CDH12: variants seen among roughly 807,000 people sequenced by gnomAD.
CDH12 encodes cadherin 12, also known as cadherin-12.
A neutral mutation model predicts 74.1 loss-of-function variants in CDH12; 41 were observed. That is an observed-to-expected ratio of 0.55 (90% confidence interval 0.43 to 0.72). The LOEUF is 0.72. CDH12 is among the 30% of genes least tolerant of loss of function. The pLI is 0.00. For synonymous variants in CDH12, 399 were observed against 355.0 expected, an observed-to-expected ratio of 1.12 and a Z score of -1.39; for missense variants, 945 against 977.2, an observed-to-expected ratio of 0.97 and a Z score of 0.44.
intron 1 of CDH12, among the ~76,000 whole-genome samples, chr5:22,519,844 G>A (rs1736971451): frequency 6.6e-6 from 1 of 152,128 alleles, no homozygotes; most frequent in Admixed American, 6.5e-5. Flanking sequence ...TGTAGTTCAT[G>A]GAGTTGTGGT....
At chr5:21,957,993 C>A (rs1351293110) in intron 6 of CDH12, among the ~76,000 whole-genome samples, 1 of 151,978 alleles carries the variant, frequency 6.6e-6, no homozygotes, top group Non-Finnish European at 1.5e-5. Context: ...CCATAATCAC[C>A]ACATGGAGAG....
At chr5:22,190,396 C>G (rs1750207706) in intron 4 of CDH12, among the ~76,000 whole-genome samples, 2 of 148,790 alleles carry the variant, frequency 1.3e-5, no homozygotes, top group African/African-American at 5.1e-5. Flanking sequence ...ATCTATCTAT[C>G]TATCTATCCT....
intron 6 of CDH12, among the ~76,000 whole-genome samples, chr5:21,927,805 C>T (rs1035968162): frequency 6.6e-6 from 1 of 151,694 alleles, no homozygotes; most frequent in Non-Finnish European, 1.5e-5. Flanking sequence ...TGCGGTGGCT[C>T]ACGTCTGTAA....
chr5:22,638,625 G>A, intron 1 of CDH12: 1 of 152,444 alleles, frequency 6.6e-6, no homozygotes, highest in Non-Finnish European at 1.5e-5. Flanking sequence ...ACAATACTTT[G>A]CATCCTCCAA....
chr5:22,522,743 T>G (rs1021632268), intron 1 of CDH12, among the ~76,000 whole-genome samples: 12 of 152,198 alleles, frequency 7.9e-5, no homozygotes, highest in African/African-American at 2.9e-4. Flanking sequence ...TAACACAACC[T>G]TCCTGAATCT....
In CDH12 at chr5:21,880,616, CTTCTTTCTTTCTTTCTTTCTTTCT is replaced by C. The variant is rs201513323; in HGVS notation, c.527-25850_527-25827del. Among the ~76,000 whole-genome samples the C allele has an allele frequency of 2.2e-3, 110 of 50,858 alleles. 1 individual carries two copies. The highest frequency in any genetic ancestry group is 8.3e-3 in the South Asian group (9 of 1,080). 33.4% of individuals were successfully genotyped at this position (50,858 alleles called of 152,430 possible). A position where few individuals can be genotyped will look rare whatever the true frequency, so the allele number is the denominator to read the frequency against. ...CCTTCCTTCCTTCCTTCCTTCCTTC[CTTCTTTCTTTCTTTCTTTCTTTCT>C]TTCTTTCTTTCTTTCTTTCTTTCTT... On this transcript the variant is annotated intron_variant, in intron 6 of 14. Transcript: ENST00000382254.
rs77055994 is a variant in CDH12 at position 22,039,717 on chromosome 5, T to C, written c.231+38729A>G. 8.1e-3 allele frequency among the ~76,000 whole-genome samples: 1,229 copies of C among 152,270 alleles called. 18 individuals are homozygous for C. The highest frequency in any genetic ancestry group is 0.028 in the African/African-American group (1,181 of 41,556). ...CTGAGGTACACAAAGTCATTGCTGA[T>C]GTTGGTCACAACTAAAGAAGCTGCA... On this transcript the variant is annotated intron_variant, in intron 5 of 14. Coordinates refer to ENST00000382254, the MANE Select transcript of CDH12 (RefSeq NM_004061.5).
At position 21,760,658 on chromosome 5, in the gene CDH12, A is replaced by G; in HGVS notation, c.1533T>C (p.Ser511=). The G allele has an allele frequency of 6.2e-7, 1 of 1,600,356 alleles. No individual in the cohort carries two copies. The highest frequency in any genetic ancestry group is 8.6e-7 in the Non-Finnish European group (1 of 1,168,122). ...CAGGTGAAAGATCTCGGTCTGCAGCACTGACTATCTGAATTATCTGCAACA... is the reference window on the plus strand; with the variant it reads ...CAGGTGAAAGATCTCGGTCTGCAGCGCTGACTATCTGAATTATCTGCAACA... The part of the protein sequence containing the change: ...AKPGQIIQIV[S]AADRDLSPAG... Residue 511 remains serine (S), a synonymous_variant, in exon 13 of 15, where the codon AGT becomes AGC. Transcript: ENST00000382254.
intron 9 of CDH12, among the ~76,000 whole-genome samples, chr5:21,804,093 T>C (rs2149926502): frequency 6.6e-6 from 1 of 152,284 alleles, no homozygotes; most frequent in Non-Finnish European, 1.5e-5. Flanking sequence ...TGCTTTGTAA[T>C]CAATGTTTTC....
In CDH12 at chr5:22,382,984, C is replaced by G. The variant is rs138233663; in HGVS notation, c.-333+22273G>C. Among the ~76,000 whole-genome samples the G allele has an allele frequency of 3.8e-3, 575 of 152,220 alleles. 6 individuals are homozygous for G. The highest frequency in any genetic ancestry group is 0.013 in the African/African-American group (534 of 41,550). ...TAGCTGGGATTTCTGGAGCGCGCCGCTACGCCCAGCACATTTTTTGTGTTT... is the reference window on the plus strand; with the variant it reads ...TAGCTGGGATTTCTGGAGCGCGCCGGTACGCCCAGCACATTTTTTGTGTTT... On this transcript the variant is annotated intron_variant, in intron 3 of 14. Transcript: ENST00000382254.
chr5:21,819,008 C>T (rs1748216520), intron 8 of CDH12, among the ~76,000 whole-genome samples: 1 of 151,900 alleles, frequency 6.6e-6, no homozygotes, highest in African/African-American at 2.4e-5. Context: ...TTTAGGGATG[C>T]TTAATGTTTG....
chr5:22,257,539 G>A (rs1753362633), intron 3 of CDH12, among the ~76,000 whole-genome samples: 1 of 150,350 alleles, frequency 6.7e-6, no homozygotes, highest in African/African-American at 2.5e-5. Flanking sequence ...TCGCTCTATT[G>A]CCCAGCCTAG....
At chr5:22,829,429 A>G (rs533157017) in intron 1 of CDH12, among the ~76,000 whole-genome samples, 1 of 152,318 alleles carries the variant, frequency 6.6e-6, no homozygotes, top group African/African-American at 2.4e-5. Context: ...TACCTACACA[A>G]GATACTGAAA....
intron 1 of CDH12, among the ~76,000 whole-genome samples, chr5:22,774,881 C>A (rs1193485324): frequency 2.6e-5 from 4 of 152,044 alleles, no homozygotes; most frequent in Admixed American, 6.6e-5. Flanking sequence ...CTATTGAATT[C>A]TATGCTCACT....
intron 5 of CDH12, among the ~76,000 whole-genome samples, chr5:22,067,337 T>C (rs752363774): frequency 6.6e-6 from 1 of 152,172 alleles, no homozygotes; most frequent in South Asian, 2.1e-4. Flanking sequence ...TATTGAGATA[T>C]CCCCGAAAAG....
At chr5:22,396,943 G>A (rs1357810205) in intron 3 of CDH12, among the ~76,000 whole-genome samples, 1 of 151,858 alleles carries the variant, frequency 6.6e-6, no homozygotes, top group Admixed American at 6.6e-5. Flanking sequence ...CATTTACTCT[G>A]GATCAATATA....
At chr5:22,327,299 A>T (rs912264276) in intron 3 of CDH12, among the ~76,000 whole-genome samples, 1 of 152,102 alleles carries the variant, frequency 6.6e-6, no homozygotes, top group Non-Finnish European at 1.5e-5. Context: ...TTTTTATTAT[A>T]AAAAAATAAA....
intron 5 of CDH12, among the ~76,000 whole-genome samples, chr5:22,054,726 T>C (rs1296848775): frequency 6.6e-6 from 1 of 152,170 alleles, no homozygotes; most frequent in South Asian, 2.1e-4. Context: ...GCTGAATGTA[T>C]GTACAGTCTC....
chr5:22,433,322 A>T (rs1391036230), intron 2 of CDH12, among the ~76,000 whole-genome samples: 1 of 152,216 alleles, frequency 6.6e-6, no homozygotes, highest in Admixed American at 6.5e-5. Context: ...TGGCTGATTA[A>T]CAGAATAAAG....
Sources: allele counts gnomAD v4.1 joint callset (sites outside exome capture counted in the v4.1 genomes callset), GRCh38; gene constraint gnomAD v4.1.1; transcripts MANE v1.5; gene names NCBI Gene and HGNC (gene_info 2026-07-23, HGNC 2026-07-21).